The following TRERF1 variants were observed in gnomAD, a reference collection of about 807,000 sequenced individuals.
TRERF1 encodes transcriptional-regulating factor 1.
In TRERF1, 27 loss-of-function variants were observed where a neutral mutation model predicts 122.9. The ratio of observed to expected loss-of-function variants is 0.22; its 90% CI spans 0.16 to 0.30. The LOEUF is 0.30. Ranked by LOEUF, TRERF1 falls within the 10% of genes least tolerant of loss-of-function variation. TRERF1 has a pLI of 1.00. For synonymous variants in TRERF1, 636 were observed against 641.7 expected (o/e 0.99, Z 0.13); for missense variants, 1,248 against 1,560.3 (o/e 0.80, Z 3.37).
intron 3 of TRERF1, among the ~76,000 whole-genome samples, chr6:42,325,906 C>A (rs1354493786): frequency 6.6e-6 from 1 of 152,112 alleles, no homozygotes; most frequent in East Asian, 1.9e-4. Context: ...TAGCTGGAGG[C>A]CATTATCTTA....
intron 3 of TRERF1, among the ~76,000 whole-genome samples, chr6:42,327,095 TG>T (rs1344925375): frequency 2.6e-5 from 4 of 151,672 alleles, no homozygotes; most frequent in African/African-American, 7.3e-5. Context: ...GGGCGGGAGG[TG>T]GGGGGAATCT....
chr6:42,235,853 T>C (rs1467122151), intron 16 of TRERF1, among the ~76,000 whole-genome samples: 2 of 152,184 alleles, frequency 1.3e-5, no homozygotes, highest in East Asian at 3.9e-4. Flanking sequence ...AAATGCATGT[T>C]GACAGGGCAC....
intron 4 of TRERF1, among the ~76,000 whole-genome samples, chr6:42,297,268 G>T (rs1785272726): frequency 6.6e-6 from 1 of 152,188 alleles, no homozygotes; most frequent in African/African-American, 2.4e-5. Flanking sequence ...GAACTAATAT[G>T]CTGGATACAA....
chr6:42,310,497 T>A (rs1398491538), intron 3 of TRERF1, among the ~76,000 whole-genome samples: 1 of 152,338 alleles, frequency 6.6e-6, no homozygotes, highest in Admixed American at 6.5e-5. Context: ...ATTTTACTCC[T>A]CGAGGGATAC....
intron 2 of TRERF1, among the ~76,000 whole-genome samples, chr6:42,445,473 T>C (rs7768190): frequency 0.7 from 106,383 of 151,458 alleles, 37,519 homozygotes; most frequent in Middle Eastern, 0.73. Flanking sequence ...CATTTAAATG[T>C]TCTCTCCATG....
At chr6:42,325,843 C>A (rs542353548) in intron 3 of TRERF1, among the ~76,000 whole-genome samples, 2 of 152,294 alleles carry the variant, frequency 1.3e-5, no homozygotes, top group East Asian at 3.9e-4. Context: ...CCACTGCACT[C>A]CAGCCTGGGG....
intron 2 of TRERF1, among the ~76,000 whole-genome samples, chr6:42,412,114 C>G (rs1781195834): frequency 6.6e-6 from 1 of 150,744 alleles, no homozygotes; most frequent in Non-Finnish European, 1.5e-5. Context: ...GATTCTCCTG[C>G]CTCAGCCTCC....
intron 2 of TRERF1, among the ~76,000 whole-genome samples, chr6:42,391,463 AC>A (rs1402715606): frequency 6.6e-6 from 1 of 152,114 alleles, no homozygotes; most frequent in African/African-American, 2.4e-5. Flanking sequence ...ATTCTGGGAG[AC>A]AGGGTGATAT....
chr6:42,379,758 T>C (rs1304619607), intron 2 of TRERF1, among the ~76,000 whole-genome samples: 3 of 152,206 alleles, frequency 2.0e-5, no homozygotes, highest in Admixed American at 1.3e-4. Context: ...CTTGAAATCC[T>C]GAGCCCAAGC....
intron 2 of TRERF1, among the ~76,000 whole-genome samples, chr6:42,404,282 C>T (rs1329818404): frequency 6.6e-6 from 1 of 152,100 alleles, no homozygotes; most frequent in Non-Finnish European, 1.5e-5. Flanking sequence ...GTCAATGGTG[C>T]CACCAAGCAT....
intron 4 of TRERF1, among the ~76,000 whole-genome samples, chr6:42,291,774 T>C (rs1784361775): frequency 6.6e-6 from 1 of 151,858 alleles, no homozygotes; most frequent in South Asian, 2.1e-4. Flanking sequence ...CTCGATCTCC[T>C]GACCTCATGA....
intron 4 of TRERF1, among the ~76,000 whole-genome samples, chr6:42,285,695 G>T (rs1783078022): frequency 1.3e-5 from 2 of 151,764 alleles, no homozygotes; most frequent in South Asian, 2.1e-4. Flanking sequence ...AGCATGAAGG[G>T]TTGTTGAATT....
intron 14 of TRERF1, among the ~76,000 whole-genome samples, chr6:42,243,801 T>C (rs865986474): frequency 2.0e-5 from 3 of 151,862 alleles, no homozygotes; most frequent in African/African-American, 7.3e-5. Flanking sequence ...AGGATGGTCT[T>C]GATCTCCTGA....
intron 2 of TRERF1, among the ~76,000 whole-genome samples, chr6:42,380,067 G>T (rs1287802699): frequency 6.6e-6 from 1 of 152,228 alleles, no homozygotes; most frequent in Non-Finnish European, 1.5e-5. Context: ...AGAGGTCTCT[G>T]GGGGAAGAGT....
At chr6:42,382,724 C>T (rs1378047496) in intron 2 of TRERF1, among the ~76,000 whole-genome samples, 1 of 148,900 alleles carries the variant, frequency 6.7e-6, no homozygotes, top group Non-Finnish European at 1.5e-5. Flanking sequence ...ACAACCAGAC[C>T]CCATTTTGCT....
In TRERF1 at chr6:42,259,240, A is replaced by C. The variant is rs920995785; in HGVS notation, c.2269+99T>G. The stretch of plus-strand genomic sequence containing the variant: ...GTGCTACATACAGCCAATACTCCGC[A>C]AAAGTCTGTGGGATAAATGAGAAAG... On this transcript the variant is annotated intron_variant, in intron 9 of 17. Coordinates refer to ENST00000372922, the Ensembl canonical transcript of TRERF1. The surrounding 1 kb of genome is among the most constrained non-coding windows in gnomAD (Gnocchi z 4.9). 5 of 1,421,614 alleles carry C rather than the reference A, an allele frequency of 3.5e-6. No individual in the cohort carries two copies. In the African/African-American group the frequency reaches 5.7e-5, roughly 16 times the overall value. 88.1% of individuals were successfully genotyped at this position (1,421,614 alleles called of 1,614,324 possible).
At chr6:42,313,176 A>G (rs923734349) in intron 3 of TRERF1, among the ~76,000 whole-genome samples, 10 of 152,188 alleles carry the variant, frequency 6.6e-5, no homozygotes, top group African/African-American at 2.4e-4. Flanking sequence ...TGACCCTGAG[A>G]TCGCCTGGGG....
chr6:42,425,760 G>C (rs1368166486), intron 2 of TRERF1, among the ~76,000 whole-genome samples: 1 of 150,438 alleles, frequency 6.6e-6, no homozygotes. Context: ...AGCCAGGCTG[G>C]TCTCGAACTC....
In TRERF1 at chr6:42,298,711, G is replaced by T. The variant is rs890852074; in HGVS notation, c.-259+1927C>A. Among the ~76,000 whole-genome samples the T allele has an allele frequency of 4.0e-5, 6 of 151,864 alleles. 1 individual carries two copies. In the South Asian group the frequency reaches 1.3e-3, roughly 32 times the overall value. ...TCCCAGCACTTTGGGAGGCCGAGAC[G>T]GGTGGATCACCTGAGGTCAGGAATT... On this transcript the variant is annotated intron_variant, in intron 4 of 17. Transcript: ENST00000372922.
Sources: allele counts gnomAD v4.1 joint callset (sites outside exome capture counted in the v4.1 genomes callset), GRCh38; gene constraint gnomAD v4.1.1; non-coding constraint Gnocchi (gnomAD v3.1); transcripts MANE v1.5; gene names NCBI Gene and HGNC (gene_info 2026-07-23, HGNC 2026-07-21).